NBAS: variants seen among roughly 807,000 people sequenced by gnomAD.
The protein encoded by NBAS is NAG/BC035112 fusion.
A neutral mutation model predicts 302.5 loss-of-function variants in NBAS; 219 were observed. The observed-to-expected ratio is 0.72, with a 90% confidence interval of 0.65 to 0.81. The LOEUF (loss-of-function observed/expected upper bound fraction) is 0.81. Ranked by LOEUF, NBAS falls within the 30% of genes least tolerant of loss-of-function variation. The pLI, the probability that NBAS is intolerant of heterozygous loss-of-function variation, is 0.00. For synonymous variants in NBAS, 1,118 were observed against 1,021.6 expected, an observed-to-expected ratio of 1.09 and a Z score of -1.80; for missense variants, 2,932 against 2,841.6, an observed-to-expected ratio of 1.03 and a Z score of -0.72.
chr2:15,426,021 T>C (rs185745640), intron 22 of NBAS, among the ~76,000 whole-genome samples: 2 of 152,284 alleles, frequency 1.3e-5, no homozygotes, highest in Admixed American at 6.5e-5. Context: ...AGCTCTCTTC[T>C]TGCTTTCCAC....
rs1404737302 is a variant in NBAS at position 15,518,741 on chromosome 2, A to G, written c.747-7391T>C. On this transcript the variant is annotated intron_variant, in intron 9 of 51. Coordinates refer to ENST00000281513, the MANE Select transcript of NBAS (RefSeq NM_015909.4). ...TTGGCAATTTACAAAAGAGAGTTTT[A>G]TTGGACATACAGCTCCACATGGCTG... is the stretch of plus-strand genomic sequence containing the variant. 2.0e-5 allele frequency among the ~76,000 whole-genome samples: 3 copies of G among 152,210 alleles called. No individual in the cohort carries two copies. In the East Asian group the frequency reaches 5.8e-4, roughly 29 times the overall value.
At chr2:15,319,629 T>A (rs1366755638) in intron 38 of NBAS, among the ~76,000 whole-genome samples, 1 of 151,776 alleles carries the variant, frequency 6.6e-6, no homozygotes, top group South Asian at 2.1e-4. Context: ...CCTATGCAAA[T>A]AAACTAGAAA....
intron 51 of NBAS, among the ~76,000 whole-genome samples, chr2:15,175,591 C>G (rs181505382): frequency 1.3e-3 from 198 of 152,282 alleles, no homozygotes; most frequent in African/African-American, 4.5e-3. Flanking sequence ...CTCAATTTTA[C>G]TGAGAGTGAT....
In NBAS at chr2:15,528,851, AG is replaced by A. The variant is rs1191853163; in HGVS notation, c.746+5691del. 2.8e-5 allele frequency among the ~76,000 whole-genome samples: 4 copies of A among 143,564 alleles called. No homozygotes were observed. In the East Asian group the frequency reaches 8.2e-4, roughly 29 times the overall value. The allele number at this position is 143,564 out of a possible 152,430, so 94.2% of individuals were successfully genotyped here. On this transcript the variant is annotated intron_variant, in intron 9 of 51. Coordinates refer to ENST00000281513, the MANE Select transcript of NBAS (RefSeq NM_015909.4). ...CATTGCACTTTAGCCTGGGCAACAG[AG>A]TGAGACTCCATCTCAAAAAAAAAAA...
chr2:14,949,215 G>A, the NBAS span, among the ~76,000 whole-genome samples: 1 of 152,030 alleles, frequency 6.6e-6, no homozygotes, highest in Non-Finnish European at 1.5e-5. Flanking sequence ...CAAAAGCACA[G>A]GTAACCAGAG....
At chr2:14,979,565 G>A in the NBAS span, among the ~76,000 whole-genome samples, 3 of 152,252 alleles carry the variant, frequency 2.0e-5, no homozygotes, top group Non-Finnish European at 2.9e-5. Flanking sequence ...AAGTCACAGA[G>A]GGGCAGAGCT....
intron 9 of NBAS, among the ~76,000 whole-genome samples, chr2:15,523,239 G>T (rs566006952): frequency 6.6e-6 from 1 of 152,090 alleles, no homozygotes; most frequent in Non-Finnish European, 1.5e-5. Flanking sequence ...ACTATGATAC[G>T]CAATTTCCCG....
At position 15,534,580 on chromosome 2, in the gene NBAS, G is replaced by A. The variant is rs2148680710; in HGVS notation, c.709C>T (p.His237Tyr). Residue 237 changes from histidine to tyrosine, a missense_variant, in exon 9 of 52, where the codon CAT becomes TAT. By Grantham distance (83) the His-to-Tyr change is moderately conservative. Coordinates refer to ENST00000281513, the MANE Select transcript of NBAS (RefSeq NM_015909.4). ...TGGTAAATAGCTGTGTTGATTCCAT[G>A]AGGATAATGACTACTGAAGCTGAAA... ...HCFSFSSHYP[H>Y]GINTAIYHPG... The A allele has an allele frequency of 1.2e-6, 2 of 1,613,684 alleles. No individual in the cohort carries two copies. Among genetic ancestry groups the A allele is most frequent in the Non-Finnish European group, 1.7e-6 (2 of 1,179,632 alleles).
chr2:15,074,553 A>G, the NBAS span, among the ~76,000 whole-genome samples: 3 of 152,112 alleles, frequency 2.0e-5, no homozygotes, highest in Non-Finnish European at 4.4e-5. Context: ...GCAACAAATT[A>G]CATTTGATAA....
chr2:15,489,948 A>T (rs73200701), intron 11 of NBAS, among the ~76,000 whole-genome samples: 1,903 of 152,258 alleles, frequency 0.012, 35 homozygotes, highest in African/African-American at 0.043. Context: ...GCCCACAACC[A>T]TATCTCTTCT....
At chr2:15,359,615 GT>G (rs1375592245) in intron 32 of NBAS, among the ~76,000 whole-genome samples, 1 of 151,906 alleles carries the variant, frequency 6.6e-6, no homozygotes, top group Non-Finnish European at 1.5e-5. Context: ...TAAAATATAG[GT>G]TTTCGTTGCC....
chr2:15,105,342 G>C, the NBAS span, among the ~76,000 whole-genome samples: 2 of 151,934 alleles, frequency 1.3e-5, no homozygotes, highest in Admixed American at 1.3e-4. Flanking sequence ...AACCACCATG[G>C]CATGTGTATA....
the NBAS span, among the ~76,000 whole-genome samples, chr2:15,062,370 G>C: frequency 1.3e-5 from 2 of 152,158 alleles, no homozygotes; most frequent in Non-Finnish European, 2.9e-5. Flanking sequence ...ATGCATGCCT[G>C]AGCTGCCAAT....
At chr2:15,460,140 C>T (rs1413140085) in intron 21 of NBAS, among the ~76,000 whole-genome samples, 1 of 152,164 alleles carries the variant, frequency 6.6e-6, no homozygotes, top group Non-Finnish European at 1.5e-5. Context: ...ATTTGAATAA[C>T]ATCTCTTAGC....
chr2:14,915,826 T>C, the NBAS span, among the ~76,000 whole-genome samples: 4 of 152,036 alleles, frequency 2.6e-5, no homozygotes, highest in Non-Finnish European at 4.4e-5. Flanking sequence ...TCCCAAAGTG[T>C]TGGGATTACA....
chr2:15,211,170 AT>A (rs1209044059), intron 48 of NBAS, among the ~76,000 whole-genome samples: 2 of 152,224 alleles, frequency 1.3e-5, no homozygotes, highest in African/African-American at 4.8e-5. Context: ...GAGGTGGTAC[AT>A]GCCCCATTTA....
chr2:15,408,013 C>A (rs530397419), intron 25 of NBAS, among the ~76,000 whole-genome samples: 1 of 152,292 alleles, frequency 6.6e-6, no homozygotes, highest in African/African-American at 2.4e-5. Context: ...CTATAGCATC[C>A]TGACCACAGC....
At chr2:15,266,404 G>C (rs933338716) in intron 44 of NBAS, among the ~76,000 whole-genome samples, 4 of 151,982 alleles carry the variant, frequency 2.6e-5, no homozygotes, top group African/African-American at 9.7e-5. Context: ...TTTCTTGTCT[G>C]TCTGCTTTCC....
chr2:15,135,724 C>A, the NBAS span, among the ~76,000 whole-genome samples: 5 of 152,082 alleles, frequency 3.3e-5, no homozygotes, highest in South Asian at 2.1e-4. Context: ...GTAACTCCCC[C>A]CTCCCACCAC....
Sources: gnomAD v4.1 joint callset for allele counts (sites outside exome capture counted in the v4.1 genomes callset) on GRCh38, gnomAD v4.1.1 for gene constraint, MANE v1.5 for transcripts, NCBI Gene and HGNC (gene_info 2026-07-23, HGNC 2026-07-21) for gene names.